Variants in MAP4K3 observed in about 807,000 individuals in gnomAD.
MAP4K3 encodes the protein mitogen-activated protein kinase kinase kinase kinase 3.
Under a neutral mutation model 143.5 loss-of-function variants are expected in MAP4K3, and 94 were observed. The ratio of observed to expected loss-of-function variants is 0.65; its 90% CI spans 0.55 to 0.78. The LOEUF (loss-of-function observed/expected upper bound fraction) is 0.78, where lower values mean the gene tolerates loss of function less well. Ranked by LOEUF, MAP4K3 falls within the 30% of genes least tolerant of loss-of-function variation. MAP4K3 has a pLI of 0.00. For synonymous variants in MAP4K3, 416 were observed against 347.2 expected, an observed-to-expected ratio of 1.20 and a Z score of -2.20; for missense variants, 1,077 against 1,068.1, an observed-to-expected ratio of 1.01 and a Z score of -0.12.
At chr2:39,391,114 G>C (rs1173355397) in intron 1 of MAP4K3, among the ~76,000 whole-genome samples, 1 of 151,970 alleles carries the variant, frequency 6.6e-6, no homozygotes, top group East Asian at 1.9e-4. Flanking sequence ...CCAGCACTTT[G>C]GGAGGCCAAG....
At chr2:39,367,991 G>A (rs896502210) in intron 2 of MAP4K3, among the ~76,000 whole-genome samples, 5 of 152,066 alleles carry the variant, frequency 3.3e-5, no homozygotes, top group Non-Finnish European at 5.9e-5. Context: ...AGGGAAGGAG[G>A]GCTTAACTTG....
intron 3 of MAP4K3, among the ~76,000 whole-genome samples, chr2:39,347,767 G>C (rs1158752808): frequency 6.6e-6 from 1 of 152,004 alleles, no homozygotes; most frequent in Non-Finnish European, 1.5e-5. Flanking sequence ...AAAAAAGAGA[G>C]ATGGGATTGA....
At chr2:39,388,519 G>A (rs1331683834) in intron 1 of MAP4K3, among the ~76,000 whole-genome samples, 1 of 152,134 alleles carries the variant, frequency 6.6e-6, no homozygotes. Flanking sequence ...GGAATCTAGG[G>A]ACTTCAGTTT....
In MAP4K3 at chr2:39,437,029, AG is replaced by A. The variant is rs991475356; in HGVS notation, c.-43del. 5.3e-6 allele frequency: 8 copies of A among 1,522,396 alleles called. No homozygotes were observed. In the African/African-American group the frequency reaches 9.8e-5, roughly 19 times the overall value. 94.3% of individuals were successfully genotyped at this position (1,522,396 alleles called of 1,614,324 possible). A position where few individuals can be genotyped will look rare whatever the true frequency, so the allele number is the denominator to read the frequency against. Reference sequence around the variant, plus strand: ...CCCCCGCCTCCCTCCCGGGCAGGGGAGGGGGGCCGCTCAGGGGGCCACACGG... The same window carrying A: ...CCCCCGCCTCCCTCCCGGGCAGGGGAGGGGGCCGCTCAGGGGGCCACACGG... On this transcript the variant is annotated 5_prime_UTR_variant, in exon 1 of 34. Coordinates refer to ENST00000263881, the MANE Select transcript of MAP4K3 (RefSeq NM_003618.4).
chr2:39,354,805 G>A (rs1406540715), intron 3 of MAP4K3, among the ~76,000 whole-genome samples: 3 of 152,182 alleles, frequency 2.0e-5, no homozygotes, highest in Non-Finnish European at 4.4e-5. Context: ...TGACAGGGCA[G>A]AATACCCTAG....
In MAP4K3 at chr2:39,286,886, G is replaced by C. The variant is rs1036388821; in HGVS notation, c.1553C>G (p.Thr518Arg). 6.2e-7 allele frequency: 1 copy of C among 1,608,918 alleles called. No individual in the cohort carries two copies. The highest frequency in any genetic ancestry group is 1.3e-5 in the African/African-American group (1 of 74,812). The change falls in exon 21 of 34, where the codon ACA becomes AGA. Residue 518 changes from threonine (T) to arginine (R), a missense_variant. By Grantham distance (71) the Thr-to-Arg change is moderately conservative. Around this residue, in one of 2 missense-constraint regions of MAP4K3, gnomAD observed 864 missense variants for 801.2 expected, o/e 1.08. Coordinates refer to ENST00000263881, the MANE Select transcript of MAP4K3 (RefSeq NM_003618.4). Reference protein sequence around the residue: ...LCQQQNEHRGTNLSRKEKKDV... With the variant: ...LCQQQNEHRGRNLSRKEKKDV... Reference sequence around the variant, plus strand: ...TTTCTTTTCTTTTCTTGAAAGGTTTGTGCCTCTATGTTCATTCTGTTGTTG... The same window carrying C: ...TTTCTTTTCTTTTCTTGAAAGGTTTCTGCCTCTATGTTCATTCTGTTGTTG...
chr2:39,295,505 A>C (rs1682234735), intron 16 of MAP4K3, among the ~76,000 whole-genome samples: 1 of 152,088 alleles, frequency 6.6e-6, no homozygotes, highest in Non-Finnish European at 1.5e-5. Context: ...TGCTGCTTTA[A>C]ACTATTTTAC....
intron 1 of MAP4K3, among the ~76,000 whole-genome samples, chr2:39,385,102 T>C (rs781236179): frequency 8.5e-5 from 13 of 152,206 alleles, no homozygotes; most frequent in Non-Finnish European, 1.8e-4. Context: ...CCACAGTTCA[T>C]CCATTTACCA....
Position 39,249,775 on chromosome 2 carries a change from A to C in MAP4K3, c.*843T>G, listed in dbSNP as rs1485967239. 1 of 152,616 alleles carries C rather than the reference A, an allele frequency of 6.6e-6. No individual in the cohort carries two copies. The highest frequency in any genetic ancestry group is 6.5e-5 in the Admixed American group (1 of 15,286). 9.5% of individuals were successfully genotyped at this position (152,616 alleles called of 1,614,324 possible). A position where few individuals can be genotyped will look rare whatever the true frequency, so the allele number is the denominator to read the frequency against. On this transcript the variant is annotated 3_prime_UTR_variant, in exon 34 of 34. Transcript: ENST00000263881. Reference sequence around the variant, plus strand: ...ATTCTTTGTGCATACTGTAATTCTGACCACAATTGCAGTATTCTATCATGG... The same window carrying C: ...ATTCTTTGTGCATACTGTAATTCTGCCCACAATTGCAGTATTCTATCATGG...
At chr2:39,300,545 G>T (rs951523974) in intron 15 of MAP4K3, among the ~76,000 whole-genome samples, 3 of 152,172 alleles carry the variant, frequency 2.0e-5, no homozygotes, top group Non-Finnish European at 4.4e-5. Context: ...AAGTAAAGCT[G>T]CCTTTTGTCC....
At position 39,250,860 on chromosome 2, in the gene MAP4K3, C is replaced by T. The variant is rs181761046; in HGVS notation, c.2598-155G>A. ...ATTTGCTATCACTGTGATTACAGGG[C>T]CAGTTCTAGCTCTGGGAAGTAATTT... On this transcript the variant is annotated intron_variant, in intron 33 of 33. Transcript: ENST00000263881. Among the ~76,000 whole-genome samples the T allele has an allele frequency of 6.6e-5, 10 of 152,308 alleles. No homozygotes were observed. The East Asian group carries it at 1.7e-3, about 26-fold the overall frequency.
intron 2 of MAP4K3, among the ~76,000 whole-genome samples, chr2:39,366,600 T>G (rs995751405): frequency 6.6e-6 from 1 of 152,208 alleles, no homozygotes; most frequent in African/African-American, 2.4e-5. Context: ...CCTGAATTTT[T>G]CAGGGTAACT....
rs1480700492 is a variant in MAP4K3, at chr2:39,280,362, G to A, written c.1630-6C>T. ...TTTGAAAAACATGCACCCATCTAGGGAAACAAAGAATAACCAATATGAAAC... is the reference window on the plus strand; with the variant it reads ...TTTGAAAAACATGCACCCATCTAGGAAAACAAAGAATAACCAATATGAAAC... On this transcript the variant is annotated splice_region_variant and splice_polypyrimidine_tract_variant and intron_variant, in intron 22 of 33. Coordinates refer to ENST00000263881, the MANE Select transcript of MAP4K3 (RefSeq NM_003618.4). The A allele has an allele frequency of 1.9e-6, 3 of 1,564,440 alleles. No individual in the cohort carries two copies. The highest frequency in any genetic ancestry group is 2.7e-5 in the African/African-American group (2 of 73,978).
In MAP4K3 at chr2:39,307,002, G is replaced by A. The variant is rs113491986; in HGVS notation, c.1119+941C>T. On this transcript the variant is annotated intron_variant, in intron 15 of 33. Transcript: ENST00000263881. Reference sequence around the variant, plus strand: ...TAAGTATATTCTGTCCAATAGGACAGCAACCTCCCTAAAGAAGGGAAATTA... The same window carrying A: ...TAAGTATATTCTGTCCAATAGGACAACAACCTCCCTAAAGAAGGGAAATTA... Among the ~76,000 whole-genome samples, 200 of 152,324 alleles carry A rather than the reference G, an allele frequency of 1.3e-3. 3 individuals carry two copies. The highest frequency in any genetic ancestry group is 4.6e-3 in the African/African-American group (193 of 41,568).
chr2:39,308,086 ATGAAGTAAGTCC>A (rs1428435633), intron 14 of MAP4K3, 81 bp from the exon 15 acceptor site: 12 of 931,150 alleles, frequency 1.3e-5, no homozygotes, highest in Admixed American at 8.8e-5. Context: ...ACTTTCACAA[ATGAAGTAAGTCC>A]TGCTAATATA....
chr2:39,303,390 A>G (rs983731026), intron 15 of MAP4K3, among the ~76,000 whole-genome samples: 8 of 152,206 alleles, frequency 5.3e-5, no homozygotes, highest in Non-Finnish European at 1.0e-4. Flanking sequence ...AAAGCAGATT[A>G]AGGAGCCTGA....
chr2:39,259,548 T>C (rs1236598489), intron 29 of MAP4K3, among the ~76,000 whole-genome samples: 1 of 152,158 alleles, frequency 6.6e-6, no homozygotes, highest in Non-Finnish European at 1.5e-5. Context: ...ATACATAAAA[T>C]ACTTAAAATT....
intron 1 of MAP4K3, among the ~76,000 whole-genome samples, chr2:39,399,246 T>C (rs890031878): frequency 6.6e-6 from 1 of 152,130 alleles, no homozygotes; most frequent in African/African-American, 2.4e-5. Flanking sequence ...TATATGTCAC[T>C]AAGAAGCCTG....
intron 1 of MAP4K3, among the ~76,000 whole-genome samples, chr2:39,380,756 C>A (rs1036635091): frequency 5.3e-5 from 8 of 152,058 alleles, no homozygotes; most frequent in African/African-American, 1.7e-4. Context: ...GACAAAAATC[C>A]AAATTCCCTG....
Sources: allele counts gnomAD v4.1 joint callset (sites outside exome capture counted in the v4.1 genomes callset), GRCh38; gene constraint gnomAD v4.1.1; regional missense constraint gnomAD v4.1.1; transcripts MANE v1.5; gene names NCBI Gene and HGNC (gene_info 2026-07-23, HGNC 2026-07-21).